The following LHFPL4 variants were observed in gnomAD, a reference collection of about 807,000 sequenced individuals.
LHFPL4 encodes LHFPL tetraspan subfamily member 4 protein.
A neutral mutation model predicts 20.0 loss-of-function variants in LHFPL4; 6 were observed. That is an observed-to-expected ratio of 0.30 (90% CI 0.16 to 0.59). LHFPL4 has a LOEUF of 0.59. LHFPL4 is among the 20% of genes least tolerant of loss of function. The probability of loss-of-function intolerance (pLI) is 0.88; values close to 1 mark genes in which losing one functional copy is unlikely to be tolerated. For missense variants in LHFPL4, 215 were observed against 331.2 expected (o/e 0.65, Z 2.72); for synonymous variants, 129 against 143.8 (o/e 0.90, Z 0.74).
At chr3:9,513,802 C>T (rs942860218) in intron 2 of LHFPL4, among the ~76,000 whole-genome samples, 1 of 152,130 alleles carries the variant, frequency 6.6e-6, no homozygotes, top group Non-Finnish European at 1.5e-5. Context: ...TTGGTGATAC[C>T]TGCTTCTCAA....
intron 2 of LHFPL4, among the ~76,000 whole-genome samples, chr3:9,538,572 C>T (rs1490519518): frequency 3.9e-5 from 6 of 152,134 alleles, no homozygotes; most frequent in African/African-American, 1.4e-4. Flanking sequence ...CCTTCAACAG[C>T]GCCATGAGGC....
intron 2 of LHFPL4, among the ~76,000 whole-genome samples, chr3:9,519,896 T>C (rs2046327437): frequency 6.6e-6 from 1 of 152,108 alleles, no homozygotes; most frequent in Admixed American, 6.6e-5. Context: ...TGGGCTCAAG[T>C]GATCCTCCTA....
chr3:9,532,632 G>A (rs1019691985), intron 2 of LHFPL4, among the ~76,000 whole-genome samples: 9 of 152,190 alleles, frequency 5.9e-5, no homozygotes, highest in Non-Finnish European at 1.2e-4. Flanking sequence ...ACCGCGCCTG[G>A]CCTATGCTTA....
chr3:9,552,687 G>T lies in LHFPL4; in HGVS notation c.-8C>A. ...CTCCTGCGAGGGCAGCATGGTGCCC[G>T]GAGGCGGGGCCGGCGGCGGCGGCGG... On this transcript the variant is annotated 5_prime_UTR_variant, in exon 2 of 4. Transcript: ENST00000287585. 3 of 1,404,310 alleles carry T rather than the reference G, an allele frequency of 2.1e-6. No individual in the cohort carries two copies. The highest frequency in any genetic ancestry group is 2.8e-6 in the Non-Finnish European group (3 of 1,071,510). The allele number at this position is 1,404,310 out of a possible 1,614,324, so 87.0% of individuals were successfully genotyped here. A position where few individuals can be genotyped will look rare whatever the true frequency, so the allele number is the denominator to read the frequency against.
chr3:9,501,325 G>A lies in LHFPL4; in HGVS notation c.*886C>T, dbSNP rs568512011. On this transcript the variant is annotated 3_prime_UTR_variant, in exon 4 of 4. Transcript: ENST00000287585. The stretch of plus-strand genomic sequence containing the variant: ...CCAACCCTGACAACAGGGCCAAGAA[G>A]TCTGTGCTGTACAAAACAGGCCAGG... 2.6e-5 allele frequency: 4 copies of A among 152,748 alleles called. No homozygotes were observed. In the East Asian group the frequency reaches 5.8e-4, roughly 22 times the overall value. The allele number at this position is 152,748 out of a possible 1,614,324, so 9.5% of individuals were successfully genotyped here.
chr3:9,553,660 G>C (rs1394466932), intron 1 of LHFPL4, 25 bp downstream of exon 1: 1 of 151,258 alleles, frequency 6.6e-6, no homozygotes, highest in South Asian at 2.1e-4. Flanking sequence ...CTGCGGCCGC[G>C]GGGAAAGGGT....
chr3:9,502,454 C>A (rs891446133), intron 3 of LHFPL4, 143 bp from the exon 4 acceptor site: 1 of 663,946 alleles, frequency 1.5e-6, no homozygotes. Context: ...GTAATCCCAG[C>A]ACTTTGGGAG....
At position 9,539,779 on chromosome 3, in the gene LHFPL4, T is replaced by A. The variant is rs533791057; in HGVS notation, c.406+12495A>T. Among the ~76,000 whole-genome samples the A allele has an allele frequency of 2.0e-5, 3 of 152,192 alleles. No homozygotes were observed. In the South Asian group the frequency reaches 6.2e-4, roughly 32 times the overall value. On this transcript the variant is annotated intron_variant, in intron 2 of 3. Transcript: ENST00000287585. ...TACAAATCAAAGTGGAAAAATGCCATTACATTGATTTTCAAAATTTAAGAA... is the reference window on the plus strand; with the variant it reads ...TACAAATCAAAGTGGAAAAATGCCAATACATTGATTTTCAAAATTTAAGAA...
At chr3:9,553,365 G>C (rs2046569995) in intron 1 of LHFPL4, among the ~76,000 whole-genome samples, 1 of 150,778 alleles carries the variant, frequency 6.6e-6, no homozygotes, top group Non-Finnish European at 1.5e-5. Context: ...AGCTAGAGCG[G>C]GATCGGGGGC....
At chr3:9,517,809 T>G (rs957452811) in intron 2 of LHFPL4, among the ~76,000 whole-genome samples, 3 of 96,720 alleles carry the variant, frequency 3.1e-5, no homozygotes, top group Admixed American at 9.5e-5. Flanking sequence ...TTGTTTTTTG[T>G]TTTTTTTTTT....
At chr3:9,529,858 C>T (rs2046398324) in intron 2 of LHFPL4, among the ~76,000 whole-genome samples, 1 of 151,804 alleles carries the variant, frequency 6.6e-6, no homozygotes, top group African/African-American at 2.4e-5. Flanking sequence ...GTCTTGAACT[C>T]CTGACCTTCT....
At chr3:9,504,050 A>G (rs1219972759) in intron 3 of LHFPL4, among the ~76,000 whole-genome samples, 1 of 151,912 alleles carries the variant, frequency 6.6e-6, no homozygotes, top group African/African-American at 2.4e-5. Context: ...AAATACAATA[A>G]TCAACACTGG....
At position 9,552,682 on chromosome 3, in the gene LHFPL4, T is replaced by C. The variant is rs1454478961; in HGVS notation, c.-3A>G. The C allele has an allele frequency of 1.4e-6, 2 of 1,416,114 alleles. No homozygotes were observed. The highest frequency in any genetic ancestry group is 1.9e-6 in the Non-Finnish European group (2 of 1,076,954). 87.7% of individuals were successfully genotyped at this position (1,416,114 alleles called of 1,614,324 possible). A position where few individuals can be genotyped will look rare whatever the true frequency, so the allele number is the denominator to read the frequency against. On this transcript the variant is annotated 5_prime_UTR_variant, in exon 2 of 4. Coordinates refer to ENST00000287585, the MANE Select transcript of LHFPL4 (RefSeq NM_198560.3). Reference sequence around the variant, plus strand: ...GAGGCCTCCTGCGAGGGCAGCATGGTGCCCGGAGGCGGGGCCGGCGGCGGC... The same window carrying C: ...GAGGCCTCCTGCGAGGGCAGCATGGCGCCCGGAGGCGGGGCCGGCGGCGGC...
At chr3:9,509,229 A>C (rs1437085669) in intron 2 of LHFPL4, among the ~76,000 whole-genome samples, 63 of 115,902 alleles carry the variant, frequency 5.4e-4, no homozygotes, top group African/African-American at 1.1e-3. Flanking sequence ...CACCCTTTTC[A>C]TCTTTCTTCG....
intron 3 of LHFPL4, among the ~76,000 whole-genome samples, chr3:9,505,514 C>T (rs575632468): frequency 1.2e-4 from 18 of 152,008 alleles, no homozygotes; most frequent in African/African-American, 3.6e-4. Context: ...AGTGCAGTGG[C>T]GCAATCTCAG....
At chr3:9,504,718 A>C (rs187697377) in intron 3 of LHFPL4, among the ~76,000 whole-genome samples, 30 of 151,582 alleles carry the variant, frequency 2.0e-4, no homozygotes, top group Middle Eastern at 3.4e-3. Context: ...CTAGCTACTC[A>C]GGAGGCTGAG....
chr3:9,508,097 C>T (rs1299704985), intron 2 of LHFPL4, among the ~76,000 whole-genome samples: 4 of 152,192 alleles, frequency 2.6e-5, no homozygotes, highest in Non-Finnish European at 5.9e-5. Flanking sequence ...CCACTGTCCA[C>T]CTGGCCCATC....
chr3:9,515,320 T>G (rs943149484), intron 2 of LHFPL4, among the ~76,000 whole-genome samples: 5 of 152,222 alleles, frequency 3.3e-5, no homozygotes, highest in African/African-American at 9.6e-5. Context: ...GCTAAGGTCT[T>G]TTGCCCAATG....
chr3:9,526,111 A>G (rs1362181575), intron 2 of LHFPL4, among the ~76,000 whole-genome samples: 2 of 152,246 alleles, frequency 1.3e-5, no homozygotes, highest in Non-Finnish European at 2.9e-5. Flanking sequence ...TGCTAGGTAT[A>G]TAAATAAGCC....
Sources: gnomAD v4.1 joint callset for allele counts (sites outside exome capture counted in the v4.1 genomes callset) on GRCh38, gnomAD v4.1.1 for gene constraint, MANE v1.5 for transcripts, NCBI Gene and HGNC (gene_info 2026-07-23, HGNC 2026-07-21) for gene names.